The following LTBR variants were observed in gnomAD, a reference collection of about 807,000 sequenced individuals.
LTBR encodes the protein lymphotoxin beta receptor.
Under a neutral mutation model 45.4 loss-of-function variants are expected in LTBR, and 15 were observed. The ratio of observed to expected loss-of-function variants is 0.33; its 90% confidence interval spans 0.22 to 0.51. The LOEUF is 0.51. Ranked by LOEUF, LTBR falls within the 20% of genes least tolerant of loss-of-function variation. The pLI is 0.97. For synonymous variants in LTBR, 228 were observed against 231.0 expected, an observed-to-expected ratio of 0.99 and a Z score of 0.12; for missense variants, 450 against 565.5, an observed-to-expected ratio of 0.80 and a Z score of 2.07.
upstream of LTBR, among the ~76,000 whole-genome samples, chr12:6,382,513 C>T (rs1948994374): frequency 6.6e-6 from 1 of 152,230 alleles, no homozygotes; most frequent in African/African-American, 2.4e-5. Context: ...GGACTCTCAT[C>T]CCAGCCCCCA....
intron 4 of LTBR, 104 bp downstream of exon 4, chr12:6,385,483 C>G: frequency 7.3e-7 from 1 of 1,372,880 alleles, no homozygotes; most frequent in Non-Finnish European, 9.8e-7. Context: ...CCCCCCAGAT[C>G]CTTGGCTTAA....
At chr12:6,377,499 A>G in intron 1 of LTBR, 1 of 675,860 alleles carries the variant, frequency 1.5e-6, no homozygotes, top group Non-Finnish European at 2.5e-6. Flanking sequence ...CTGGATGTGA[A>G]AGCCGGGAAG....
intron 1 of LTBR, among the ~76,000 whole-genome samples, chr12:6,378,068 C>G (rs1238784482): frequency 6.6e-6 from 1 of 152,166 alleles, no homozygotes; most frequent in Admixed American, 6.5e-5. Flanking sequence ...ATGTTTTTGT[C>G]ACAGTACAAT....
rs369075762 is a variant in LTBR, at chr12:6,376,249, C to T, written c.39+655C>T. The T allele has an allele frequency of 3.6e-5, 34 of 940,302 alleles. No homozygotes were observed. The African/African-American group carries it at 4.4e-4, about 12-fold the overall frequency. 58.2% of individuals were successfully genotyped at this position (940,302 alleles called of 1,614,324 possible). A position where few individuals can be genotyped will look rare whatever the true frequency, so the allele number is the denominator to read the frequency against. On this transcript the variant is annotated intron_variant, in intron 1 of 9. Coordinates refer to the LTBR transcript ENST00000539925. ...TCCCTCCTCTTTCCTGCTGATTCCT[C>T]GCCACCCCCTCCAACCTTGTCCAGA...
At chr12:6,381,925 T>C (rs990989120), upstream of LTBR, among the ~76,000 whole-genome samples, 3 of 152,034 alleles carry the variant, frequency 2.0e-5, no homozygotes, top group Non-Finnish European at 2.9e-5. Context: ...TGAGCCGAGA[T>C]TGCACCACTG....
intron 8 of LTBR, 199 bp from the exon 9 acceptor site, chr12:6,389,913 C>T: frequency 1.7e-6 from 1 of 578,640 alleles, no homozygotes; most frequent in Non-Finnish European, 3.1e-6. Context: ...GCTATGATTG[C>T]ACCACTGCAC....
chr12:6,378,654 T>C (rs1948944498), intron 1 of LTBR, among the ~76,000 whole-genome samples: 1 of 152,168 alleles, frequency 6.6e-6, no homozygotes, highest in Non-Finnish European at 1.5e-5. Context: ...CAAAGTGACT[T>C]GGCCACAGTC....
At chr12:6,383,521 C>G (rs1949004146), upstream of LTBR, among the ~76,000 whole-genome samples, 1 of 152,110 alleles carries the variant, frequency 6.6e-6, no homozygotes, top group Admixed American at 6.5e-5. Context: ...CCCAGGACTC[C>G]CCTCCGCATA....
At position 6,388,722 on chromosome 12, in the gene LTBR, T is replaced by C; in HGVS notation, c.776-78T>C. ...CCCGGGTGGTCAAGTTGCTACACAT[T>C]GTGCTGGGATGTGGAGGCTGAAAGG... On this transcript the variant is annotated intron_variant, in intron 7 of 9. Coordinates refer to ENST00000228918, the MANE Select transcript of LTBR (RefSeq NM_002342.3). The surrounding 1 kb of genome is among the most constrained non-coding windows in gnomAD (Gnocchi z 4.3). The C allele has an allele frequency of 6.4e-7, 1 of 1,574,080 alleles. No homozygotes were observed. The highest frequency in any genetic ancestry group is 8.7e-7 in the Non-Finnish European group (1 of 1,145,010).
chr12:6,375,755 G>A, intron 1 of LTBR: 1 of 1,410,324 alleles, frequency 7.1e-7, no homozygotes, highest in Non-Finnish European at 9.2e-7. Context: ...TGGGGGACAG[G>A]ATGGCAGGTG....
chr12:6,388,548 C>T lies in LTBR; in HGVS notation c.775+43C>T, dbSNP rs369438897. The T allele has an allele frequency of 1.6e-5, 24 of 1,543,834 alleles. No individual in the cohort carries two copies. Among genetic ancestry groups the T allele is most frequent in the African/African-American group, 1.4e-4 (10 of 73,480 alleles). ...GCAGTGGATGGTTGGCAATGGGAGC[C>T]GGAGGGAGGAATATTCAACTTCCCC... On this transcript the variant is annotated intron_variant, in intron 7 of 9. Transcript: ENST00000228918. The surrounding 1 kb of genome is among the most constrained non-coding windows in gnomAD (Gnocchi z 4.3).
At chr12:6,382,877 C>T (rs1948997952), upstream of LTBR, among the ~76,000 whole-genome samples, 1 of 152,204 alleles carries the variant, frequency 6.6e-6, no homozygotes, top group Admixed American at 6.5e-5. Context: ...CATCCCTGAG[C>T]CACAAGGAGT....
upstream of LTBR, among the ~76,000 whole-genome samples, chr12:6,379,335 A>G (rs2136922147): frequency 6.6e-6 from 1 of 152,298 alleles, no homozygotes; most frequent in East Asian, 1.9e-4. Context: ...AAAACTTCAA[A>G]CATCCTAACT....
Position 6,388,387 on chromosome 12 carries a change from T to C in LTBR, c.668-11T>C. 1 of 1,604,832 alleles carries C rather than the reference T, an allele frequency of 6.2e-7. No individual in the cohort carries two copies. Among genetic ancestry groups the C allele is most frequent in the Non-Finnish European group, 8.5e-7 (1 of 1,172,192 alleles). On this transcript the variant is annotated splice_polypyrimidine_tract_variant and intron_variant, in intron 6 of 9. Transcript: ENST00000228918. This position sits in a 1 kb window ranked among gnomAD's most constrained non-coding sequence, Gnocchi z 4.3. ...GGGCTGTGATCACCCTCCTGTCTGC[T>C]GTCCTGGCAGGAACCATGCTGATGC... is the stretch of plus-strand genomic sequence containing the variant.
intron 6 of LTBR, chr12:6,387,953 C>G: frequency 2.5e-6 from 1 of 406,150 alleles, no homozygotes; most frequent in East Asian, 7.4e-5. Flanking sequence ...TACAGCAGCC[C>G]CTCTGTACAA....
intron 8 of LTBR, 36 bp from the exon 9 acceptor site, chr12:6,390,076 C>T: frequency 1.4e-6 from 2 of 1,410,256 alleles, no homozygotes; most frequent in South Asian, 1.1e-5. Context: ...GTCTGGGGCC[C>T]TCATCATTGT....
chr12:6,375,396 G>A (rs1948887014), upstream of LTBR: 2 of 1,496,632 alleles, frequency 1.3e-6, no homozygotes, highest in Non-Finnish European at 8.9e-7. Context: ...GGACTGCAGG[G>A]CTCCAGGAGG....
At chr12:6,387,549 T>A (rs770577422) in intron 6 of LTBR, 13 of 163,982 alleles carry the variant, frequency 7.9e-5, no homozygotes, top group Non-Finnish European at 1.7e-4. Context: ...AGACTCCCAG[T>A]CCAGTTTCTC....
At chr12:6,380,940 A>G (rs1389741688), upstream of LTBR, among the ~76,000 whole-genome samples, 1 of 152,048 alleles carries the variant, frequency 6.6e-6, no homozygotes, top group Admixed American at 6.5e-5. Flanking sequence ...AGTAAAGACA[A>G]TGCCCTGCCC....
Sources: gnomAD v4.1 joint callset for allele counts (sites outside exome capture counted in the v4.1 genomes callset) on GRCh38, gnomAD v4.1.1 for gene constraint, Gnocchi (gnomAD v3.1) non-coding constraint, MANE v1.5 for transcripts, NCBI Gene and HGNC (gene_info 2026-07-23, HGNC 2026-07-21) for gene names.